The following DIAPH2 variants were observed in gnomAD, a reference collection of about 807,000 sequenced individuals.
The protein encoded by DIAPH2 is diaphanous related formin 2, also known as protein diaphanous homolog 2.
A neutral mutation model predicts 92.7 loss-of-function variants in DIAPH2; 35 were observed. The ratio of observed to expected loss-of-function variants is 0.38; its 90% confidence interval spans 0.29 to 0.50. The LOEUF is 0.50. DIAPH2 is among the 20% of genes least tolerant of loss of function. The probability of loss-of-function intolerance (pLI) is 0.94; values close to 1 mark genes in which losing one functional copy is unlikely to be tolerated. For missense variants in DIAPH2, 701 were observed against 819.5 expected, an observed-to-expected ratio of 0.86 and a Z score of 1.77; for synonymous variants, 301 against 280.4, an observed-to-expected ratio of 1.07 and a Z score of -0.73.
intron 23 of DIAPH2, among the ~76,000 whole-genome samples, chrX:97,249,956 G>A (rs1413743389): frequency 3.6e-5 from 4 of 110,652 alleles, no homozygotes; most frequent in African/African-American, 1.3e-4. Context: ...AATTAGCCAG[G>A]CATAGTGGTG....
intron 1 of DIAPH2, among the ~76,000 whole-genome samples, chrX:96,706,980 C>G (rs1211717483): frequency 1.8e-5 from 2 of 110,506 alleles, no homozygotes; most frequent in Non-Finnish European, 3.8e-5. Context: ...AGATTCTTAT[C>G]CAAATTGTCA....
intron 16 of DIAPH2, among the ~76,000 whole-genome samples, chrX:96,958,653 A>G (rs2065828474): frequency 9.0e-6 from 1 of 111,394 alleles, no homozygotes; most frequent in African/African-American, 3.3e-5. Context: ...TTACTGTGCT[A>G]TCAAATGGTA....
chrX:97,476,020 GTGT>G (rs2070600353), intron 26 of DIAPH2, among the ~76,000 whole-genome samples: 1 of 109,966 alleles, frequency 9.1e-6, no homozygotes, highest in East Asian at 2.8e-4. Flanking sequence ...TTGGAGCTTT[GTGT>G]TGTTAGAACC....
chrX:96,793,343 AT>A (rs2064514449), intron 4 of DIAPH2, among the ~76,000 whole-genome samples: 1 of 111,089 alleles, frequency 9.0e-6, no homozygotes, highest in African/African-American at 3.3e-5. Context: ...TAATTTTTGT[AT>A]TTTTAGTAGA....
chrX:97,122,387 G>A (rs753503392), intron 21 of DIAPH2, among the ~76,000 whole-genome samples: 3 of 111,458 alleles, frequency 2.7e-5, no homozygotes, highest in Non-Finnish European at 5.7e-5. Context: ...GACTGTCAGA[G>A]TATTTTAGTT....
intron 20 of DIAPH2, among the ~76,000 whole-genome samples, chrX:97,110,716 G>T (rs766999047): frequency 1.8e-5 from 2 of 111,736 alleles, no homozygotes; most frequent in Non-Finnish European, 1.9e-5. Flanking sequence ...GGGTGCAGTG[G>T]CTCATGCCTG....
chrX:96,789,086 C>T (rs576675683), intron 4 of DIAPH2, among the ~76,000 whole-genome samples: 32 of 112,270 alleles, frequency 2.9e-4, no homozygotes, highest in Middle Eastern at 4.6e-3. Context: ...AGTAGAGATG[C>T]ACAGCCAGAT....
At chrX:97,105,825 G>A (rs2066936454) in intron 20 of DIAPH2, among the ~76,000 whole-genome samples, 1 of 112,270 alleles carries the variant, frequency 8.9e-6, no homozygotes, top group Non-Finnish European at 1.9e-5. Flanking sequence ...AACAAAAAAT[G>A]TTGAAATTGG....
intron 16 of DIAPH2, among the ~76,000 whole-genome samples, chrX:96,962,274 CAT>C (rs201794178): frequency 4.6e-4 from 33 of 71,955 alleles, no homozygotes; most frequent in African/African-American, 1.5e-3. Flanking sequence ...TATATATATA[CAT>C]ATATATATAC....
At chrX:97,185,408 T>TACACATATATATATATAC in intron 22 of DIAPH2, among the ~76,000 whole-genome samples, 1 of 59,704 alleles carries the variant, frequency 1.7e-5, no homozygotes, top group African/African-American at 8.8e-5. Context: ...TATATATATA[T>TACACATATATATATATAC]ATGTATATAT....
chrX:97,007,975 G>A (rs565580892), intron 17 of DIAPH2, among the ~76,000 whole-genome samples: 1 of 103,244 alleles, frequency 9.7e-6, no homozygotes, highest in South Asian at 4.7e-4. Flanking sequence ...TGTTAGCCAG[G>A]ATGGTCTCAA....
chrX:97,271,862 C>T (rs922047501), intron 23 of DIAPH2, among the ~76,000 whole-genome samples: 1 of 108,815 alleles, frequency 9.2e-6, no homozygotes, highest in African/African-American at 3.3e-5. Context: ...TACAGACATA[C>T]ATATATACAC....
chrX:97,183,148 G>A (rs777361425), intron 22 of DIAPH2, among the ~76,000 whole-genome samples: 3 of 111,674 alleles, frequency 2.7e-5, no homozygotes, highest in Non-Finnish European at 5.6e-5. Context: ...AAACTTTTGC[G>A]AATTTGTTTT....
intron 17 of DIAPH2, among the ~76,000 whole-genome samples, chrX:97,013,662 C>T (rs766618773): frequency 1.8e-5 from 2 of 111,937 alleles, no homozygotes; most frequent in Admixed American, 9.5e-5. Flanking sequence ...TACTTTTTCC[C>T]TGTTGCTTTC....
At chrX:97,182,029 A>G (rs779733016) in intron 22 of DIAPH2, among the ~76,000 whole-genome samples, 1 of 111,466 alleles carries the variant, frequency 9.0e-6, no homozygotes, top group East Asian at 2.8e-4. Context: ...TTCACAATAA[A>G]AATAGATTAT....
At chrX:96,929,246 A>G (rs1602637250) in intron 9 of DIAPH2, among the ~76,000 whole-genome samples, 2 of 111,790 alleles carry the variant, frequency 1.8e-5, no homozygotes, top group Non-Finnish European at 3.8e-5. Flanking sequence ...AAAGATTTAC[A>G]TGATTTCCTG....
intron 17 of DIAPH2, among the ~76,000 whole-genome samples, chrX:96,990,680 T>C (rs1175608628): frequency 1.8e-5 from 2 of 111,919 alleles, no homozygotes; most frequent in Non-Finnish European, 3.8e-5. Context: ...ATAAAGGTAA[T>C]TGGGATCTTT....
intron 19 of DIAPH2, among the ~76,000 whole-genome samples, chrX:97,096,775 A>G (rs1036537326): frequency 8.9e-6 from 1 of 111,881 alleles, no homozygotes; most frequent in Non-Finnish European, 1.9e-5. Context: ...CACGTTGGGG[A>G]TGAATAGTCT....
chrX:96,996,599 T>A (rs1286871180), intron 17 of DIAPH2, among the ~76,000 whole-genome samples: 1 of 112,005 alleles, frequency 8.9e-6, no homozygotes, highest in Non-Finnish European at 1.9e-5. Context: ...TTGCTCATTA[T>A]TTTTCTTAGT....
Sources: allele counts gnomAD v4.1 joint callset (sites outside exome capture counted in the v4.1 genomes callset), GRCh38; gene constraint gnomAD v4.1.1; transcripts MANE v1.5; gene names NCBI Gene and HGNC (gene_info 2026-07-23, HGNC 2026-07-21).